Variants in ST6GAL1 observed in about 807,000 individuals in gnomAD.
ST6GAL1 encodes the protein ST6 beta-galactoside alpha-2,6-sialyltransferase 1, also known as beta-galactoside alpha-2,6-sialyltransferase 1.
ST6GAL1 carries 20 observed loss-of-function variants against 38.0 expected under a neutral mutation model. That is an observed-to-expected ratio of 0.53 (90% confidence interval 0.37 to 0.77). The LOEUF is 0.77. Among genes scored for constraint, ST6GAL1 ranks in the 30% least tolerant of loss-of-function variants. ST6GAL1 has a pLI of 0.00. For synonymous variants in ST6GAL1, 196 were observed against 188.2 expected (o/e 1.04, Z -0.34); for missense variants, 432 against 496.4 (o/e 0.87, Z 1.23).
At chr3:187,071,507 T>C (rs544940876) in intron 5 of ST6GAL1, among the ~76,000 whole-genome samples, 50 of 151,992 alleles carry the variant, frequency 3.3e-4, no homozygotes, top group South Asian at 2.1e-3. Flanking sequence ...CCCAGCACTT[T>C]GGGAGGCTGA....
intron 2 of ST6GAL1, among the ~76,000 whole-genome samples, chr3:187,024,383 G>A (rs930026872): frequency 3.3e-5 from 5 of 150,712 alleles, no homozygotes; most frequent in African/African-American, 4.9e-5. Context: ...ATGAGCCACC[G>A]CGCCCAGCCT....
At chr3:187,015,983 A>T (rs1717103223) in intron 2 of ST6GAL1, among the ~76,000 whole-genome samples, 1 of 152,262 alleles carries the variant, frequency 6.6e-6, no homozygotes, top group Non-Finnish European at 1.5e-5. Flanking sequence ...GGAAAGGATA[A>T]CACGGTACCG....
chr3:186,967,746 C>A (rs9828559), intron 2 of ST6GAL1, among the ~76,000 whole-genome samples: 7 of 152,306 alleles, frequency 4.6e-5, no homozygotes, highest in African/African-American at 1.4e-4. Flanking sequence ...TTAGCCATCA[C>A]GTCTTTCACT....
At chr3:187,019,804 A>G (rs1717234715) in intron 2 of ST6GAL1, among the ~76,000 whole-genome samples, 1 of 152,222 alleles carries the variant, frequency 6.6e-6, no homozygotes. Flanking sequence ...TTTGGGTTCT[A>G]AGGTCCAGAT....
At chr3:186,957,489 G>T (rs7645517) in intron 1 of ST6GAL1, among the ~76,000 whole-genome samples, 1 of 151,898 alleles carries the variant, frequency 6.6e-6, no homozygotes, top group Non-Finnish European at 1.5e-5. Context: ...ATTATTCTAA[G>T]AAGCCCAACA....
chr3:187,058,864 A>G (rs1419859411), intron 5 of ST6GAL1, among the ~76,000 whole-genome samples: 1 of 151,708 alleles, frequency 6.6e-6, no homozygotes, highest in Non-Finnish European at 1.5e-5. Context: ...CTGGTCTTGA[A>G]CTCCTGACCT....
chr3:186,953,483 G>A (rs991586902), intron 1 of ST6GAL1, among the ~76,000 whole-genome samples: 3 of 152,134 alleles, frequency 2.0e-5, no homozygotes, highest in African/African-American at 4.8e-5. Flanking sequence ...CCATTTGACA[G>A]CCTTATATAA....
chr3:187,031,141 C>T (rs1426362789), intron 2 of ST6GAL1, among the ~76,000 whole-genome samples: 1 of 152,162 alleles, frequency 6.6e-6, no homozygotes, highest in Non-Finnish European at 1.5e-5. Context: ...TGGAGTTATG[C>T]TGATCATCTC....
At chr3:186,971,740 G>C (rs62292612) in intron 2 of ST6GAL1, among the ~76,000 whole-genome samples, 2 of 152,152 alleles carry the variant, frequency 1.3e-5, no homozygotes, top group African/African-American at 2.4e-5. Flanking sequence ...TCACAGATGA[G>C]CAAACATCCT....
rs1482808274 is a variant in ST6GAL1 at position 187,076,973 on chromosome 3, T to C, written c.*1170T>C. ...CCCCCAAATCTTCTCCTAACCACCA[T>C]CTGTTTTTTTTTTTTAAAGCATTTT... On this transcript the variant is annotated 3_prime_UTR_variant, in exon 8 of 8. Transcript: ENST00000169298. The C allele has an allele frequency of 5.7e-6, 2 of 350,968 alleles. No homozygotes were observed. Among genetic ancestry groups the C allele is most frequent in the Non-Finnish European group, 9.3e-6 (2 of 214,020 alleles). The allele number at this position is 350,968 out of a possible 1,614,324, so 21.7% of individuals were successfully genotyped here.
At chr3:186,967,286 G>A (rs938929494) in intron 2 of ST6GAL1, among the ~76,000 whole-genome samples, 1 of 152,192 alleles carries the variant, frequency 6.6e-6, no homozygotes, top group Non-Finnish European at 1.5e-5. Flanking sequence ...CCGCCTCCTG[G>A]GTTCAAGCGA....
At chr3:186,996,999 G>A (rs73069490) in intron 2 of ST6GAL1, among the ~76,000 whole-genome samples, 1 of 151,932 alleles carries the variant, frequency 6.6e-6, no homozygotes, top group South Asian at 2.1e-4. Context: ...TGGTTTGAGG[G>A]GTTCTGTCTG....
intron 2 of ST6GAL1, among the ~76,000 whole-genome samples, chr3:186,968,754 T>C (rs892703252): frequency 6.6e-6 from 1 of 152,260 alleles, no homozygotes; most frequent in Non-Finnish European, 1.5e-5. Context: ...GACACACATT[T>C]AGGTTGTTTC....
intron 4 of ST6GAL1, among the ~76,000 whole-genome samples, chr3:187,046,774 C>T (rs11927874): frequency 0.065 from 9,904 of 152,150 alleles, 1,078 homozygotes; most frequent in African/African-American, 0.22. Flanking sequence ...CTTAAAAGGC[C>T]GGATAGTAAA....
intron 5 of ST6GAL1, among the ~76,000 whole-genome samples, chr3:187,060,091 A>T (rs1448135911): frequency 6.6e-6 from 1 of 152,134 alleles, no homozygotes; most frequent in African/African-American, 2.4e-5. Context: ...AGGTGAGTAT[A>T]TGTGGGACTA....
Position 187,043,164 on chromosome 3 carries a change from A to T in ST6GAL1, c.461A>T (p.Glu154Val). ...LRDHVNVSMV[E>V]VTDFPFNTSE... ...GACCATGTGAATGTATCCATGGTAG[A>T]GGTCACAGATTTTCCCTTCAATACC... The change falls in exon 4 of 8, where the codon GAG becomes GTG. Residue 154 changes from glutamate to valine, a missense_variant. By Grantham distance (121) the Glu-to-Val change is moderately radical. Coordinates refer to ENST00000169298, the MANE Select transcript of ST6GAL1 (RefSeq NM_173216.2). 2 of 1,614,224 alleles carry T rather than the reference A, an allele frequency of 1.2e-6. No homozygotes were observed. The highest frequency in any genetic ancestry group is 2.2e-5 in the South Asian group (2 of 91,090).
chr3:186,936,045 C>A (rs1034200938), intron 1 of ST6GAL1, among the ~76,000 whole-genome samples: 4 of 152,200 alleles, frequency 2.6e-5, no homozygotes, highest in African/African-American at 4.8e-5. Flanking sequence ...GAGACCCACC[C>A]ATTCTTTGTC....
chr3:187,041,996 C>T (rs1000788203), intron 3 of ST6GAL1: 1 of 146,088 alleles, frequency 6.8e-6, no homozygotes, highest in African/African-American at 2.7e-5. Context: ...CAGCAGTGCT[C>T]TTCTTGCAGG....
At chr3:186,967,699 A>T (rs1715196542) in intron 2 of ST6GAL1, among the ~76,000 whole-genome samples, 1 of 152,192 alleles carries the variant, frequency 6.6e-6, no homozygotes, top group Non-Finnish European at 1.5e-5. Context: ...TCAGAACATG[A>T]ATTACAGCCG....
Sources: gnomAD v4.1 joint callset for allele counts (sites outside exome capture counted in the v4.1 genomes callset) on GRCh38, gnomAD v4.1.1 for gene constraint, MANE v1.5 for transcripts, NCBI Gene and HGNC (gene_info 2026-07-23, HGNC 2026-07-21) for gene names.